Variants in ZFPM1 observed in about 807,000 individuals in gnomAD.
ZFPM1 encodes the protein zinc finger protein ZFPM1.
In ZFPM1, 28 loss-of-function variants were observed where a neutral mutation model predicts 46.3. That is an observed-to-expected ratio of 0.60 (90% CI 0.45 to 0.83). The LOEUF is 0.83. Ranked by LOEUF, ZFPM1 falls within the 40% of genes least tolerant of loss-of-function variation. The probability of loss-of-function intolerance (pLI) is 0.00; values close to 1 mark genes in which losing one functional copy is unlikely to be tolerated. For missense variants in ZFPM1, 1,878 were observed against 1,432.4 expected, an observed-to-expected ratio of 1.31 and a Z score of -5.02; for synonymous variants, 957 against 675.9, an observed-to-expected ratio of 1.42 and a Z score of -6.45.
intron 1 of ZFPM1, among the ~76,000 whole-genome samples, chr16:88,455,676 T>C (rs1336608162): frequency 6.6e-6 from 1 of 152,076 alleles, no homozygotes; most frequent in African/African-American, 2.4e-5. Flanking sequence ...CCCGCGCCTC[T>C]GTGCGCCTTT....
chr16:88,480,750 A>C lies in ZFPM1; in HGVS notation c.41-5189A>C, dbSNP rs1210624685. ...CCGCAGGGGCCTCCCCAGGGGCCTCAGACTCCTCATCCACAGCCCCCATCT... is the reference window on the plus strand; with the variant it reads ...CCGCAGGGGCCTCCCCAGGGGCCTCCGACTCCTCATCCACAGCCCCCATCT... On this transcript the variant is annotated intron_variant, in intron 1 of 9. Coordinates refer to ENST00000319555, the MANE Select transcript of ZFPM1 (RefSeq NM_153813.3). This position sits in a 1 kb window ranked among gnomAD's most constrained non-coding sequence, Gnocchi z 4.9. Among the ~76,000 whole-genome samples the C allele has an allele frequency of 6.6e-6, 1 of 152,108 alleles. No individual in the cohort carries two copies. Among genetic ancestry groups the C allele is most frequent in the Non-Finnish European group, 1.5e-5 (1 of 67,996 alleles).
intron 3 of ZFPM1, among the ~76,000 whole-genome samples, chr16:88,509,049 G>A (rs1024358448): frequency 6.6e-5 from 10 of 152,102 alleles, no homozygotes; most frequent in Non-Finnish European, 1.0e-4. Context: ...CTGGGGAGCC[G>A]CTCGCCCCTC....
Position 88,489,345 on chromosome 16 carries a change from C to T in ZFPM1, c.268+192C>T, listed in dbSNP as rs111413774. 980 of 886,220 alleles carry T rather than the reference C, an allele frequency of 1.1e-3. 6 individuals carry two copies. In the African/African-American group the frequency reaches 0.015, roughly 14 times the overall value. The allele number at this position is 886,220 out of a possible 1,614,324, so 54.9% of individuals were successfully genotyped here. On this transcript the variant is annotated intron_variant, in intron 3 of 9. Transcript: ENST00000319555. ...GTATCACTGGAGCTTGGCACCCTCG[C>T]GCCAATCCCGGGCCTCACGTGGTGT... is the stretch of plus-strand genomic sequence containing the variant.
rs1223300134 is a variant in ZFPM1 at position 88,461,100 on chromosome 16, A to G, written c.40+7422A>G. On this transcript the variant is annotated intron_variant, in intron 1 of 9. Coordinates refer to ENST00000319555, the MANE Select transcript of ZFPM1 (RefSeq NM_153813.3). The stretch of plus-strand genomic sequence containing the variant: ...GAAGGTCTGGTGAGGACCAAGGGGC[A>G]GGAGGCCCTGGTGAGGACCCAGGGA... Among the ~76,000 whole-genome samples the G allele has an allele frequency of 2.5e-3, 156 of 61,388 alleles. 21 individuals are homozygous for G. The highest frequency in any genetic ancestry group is 7.9e-3 in the East Asian group (12 of 1,526). The allele number at this position is 61,388 out of a possible 152,430, so 40.3% of individuals were successfully genotyped here.
intron 1 of ZFPM1, among the ~76,000 whole-genome samples, chr16:88,462,057 T>C (rs1907919564): frequency 6.6e-6 from 1 of 152,152 alleles, no homozygotes; most frequent in African/African-American, 2.4e-5. Flanking sequence ...GCCTTGTGTT[T>C]TGGGGGAAGG....
rs1169987573 is a variant in ZFPM1, at chr16:88,514,520, G to A, written c.402G>A (p.Pro134=). Residue 134 remains proline (P), a splice_region_variant and synonymous_variant, in exon 4 of 10, where the codon CCG becomes CCA. Coordinates refer to ENST00000319555, the MANE Select transcript of ZFPM1 (RefSeq NM_153813.3). Reference sequence around the variant, plus strand: ...CCTCATCCCCCAGGCAGGCGGAGCCGGTAAGAAGCCCCCATCCCCGCCCCT... The same window carrying A: ...CCTCATCCCCCAGGCAGGCGGAGCCAGTAAGAAGCCCCCATCCCCGCCCCT... ...TRASSPRQAE[P]SPALTLLLVD... is the part of the protein sequence containing the mutation. 1.3e-6 allele frequency: 2 copies of A among 1,557,146 alleles called. No individual in the cohort carries two copies. The highest frequency in any genetic ancestry group is 1.9e-5 in the Admixed American group (1 of 52,244).
intron 1 of ZFPM1, among the ~76,000 whole-genome samples, chr16:88,476,258 C>T (rs934513745): frequency 6.6e-6 from 1 of 152,138 alleles, no homozygotes; most frequent in Non-Finnish European, 1.5e-5. Context: ...GCTGGGGGAG[C>T]CCAGGATGAC....
At chr16:88,528,842 T>G (rs936017488) in intron 6 of ZFPM1, among the ~76,000 whole-genome samples, 4 of 152,216 alleles carry the variant, frequency 2.6e-5, no homozygotes, top group African/African-American at 9.6e-5. Context: ...TAGCTGGGAC[T>G]TCAGGCACAC....
intron 1 of ZFPM1, among the ~76,000 whole-genome samples, chr16:88,462,899 C>G (rs1046713988): frequency 6.8e-6 from 1 of 146,370 alleles, no homozygotes; most frequent in Non-Finnish European, 1.6e-5. Flanking sequence ...CCACCCAACA[C>G]GGGAGGTGCA....
chr16:88,466,277 G>A (rs1420350282), intron 1 of ZFPM1, among the ~76,000 whole-genome samples: 8 of 152,234 alleles, frequency 5.3e-5, no homozygotes, highest in South Asian at 4.1e-4. Context: ...AGCCCCGGCA[G>A]TTCTGGCATG....
At chr16:88,525,287 GCTGGCAC>G (rs1912226028) in intron 4 of ZFPM1, among the ~76,000 whole-genome samples, 1 of 152,214 alleles carries the variant, frequency 6.6e-6, no homozygotes, top group African/African-American at 2.4e-5. Context: ...AAGCTCATGG[GCTGGCAC>G]CTAGTGGGGA....
chr16:88,527,205 C>G (rs895183230), intron 5 of ZFPM1, among the ~76,000 whole-genome samples: 2 of 152,188 alleles, frequency 1.3e-5, no homozygotes, highest in Non-Finnish European at 2.9e-5. Flanking sequence ...CCGTGATCCC[C>G]GTATCTCCTC....
intron 1 of ZFPM1, among the ~76,000 whole-genome samples, chr16:88,455,307 G>C (rs1907495250): frequency 6.6e-6 from 1 of 152,134 alleles, no homozygotes; most frequent in African/African-American, 2.4e-5. Flanking sequence ...GGCAGAGCGC[G>C]CGCACTTTGG....
chr16:88,517,285 G>C (rs1911388645), intron 4 of ZFPM1, among the ~76,000 whole-genome samples: 1 of 149,500 alleles, frequency 6.7e-6, no homozygotes, highest in African/African-American at 2.5e-5. Context: ...TGGAGGGCTG[G>C]GTGGATGAGT....
At chr16:88,507,513 C>G (rs1247142424) in intron 3 of ZFPM1, among the ~76,000 whole-genome samples, 6 of 152,228 alleles carry the variant, frequency 3.9e-5, no homozygotes, top group Admixed American at 3.3e-4. Flanking sequence ...CCTGGGCTGC[C>G]TGGGTGTGTC....
intron 3 of ZFPM1, among the ~76,000 whole-genome samples, chr16:88,507,712 G>A (rs1290088813): frequency 3.9e-5 from 6 of 152,184 alleles, no homozygotes; most frequent in East Asian, 1.9e-4. Flanking sequence ...TGAGGGGCCC[G>A]CATGGCTGTG....
chr16:88,460,766 GC>G (rs1659024810), intron 1 of ZFPM1, among the ~76,000 whole-genome samples: 1 of 152,226 alleles, frequency 6.6e-6, no homozygotes, highest in Non-Finnish European at 1.5e-5. Flanking sequence ...GCTGTTTGGA[GC>G]AGACCCCTGG....
At chr16:88,460,922 CGGG>C (rs1907796742) in intron 1 of ZFPM1, among the ~76,000 whole-genome samples, 1 of 27,222 alleles carries the variant, frequency 3.7e-5, no homozygotes, top group Admixed American at 6.1e-4. Context: ...GACCGAGGGG[CGGG>C]GCGGGAGGCC....
chr16:88,472,131 G>A (rs938335904), intron 1 of ZFPM1, among the ~76,000 whole-genome samples: 14 of 152,184 alleles, frequency 9.2e-5, no homozygotes, highest in African/African-American at 3.4e-4. Flanking sequence ...TTCGTGGAGG[G>A]GGCGCAGGGC....
Sources: gnomAD v4.1 joint callset for allele counts (sites outside exome capture counted in the v4.1 genomes callset) on GRCh38, gnomAD v4.1.1 for gene constraint, Gnocchi (gnomAD v3.1) non-coding constraint, MANE v1.5 for transcripts, NCBI Gene and HGNC (gene_info 2026-07-23, HGNC 2026-07-21) for gene names.